DCAF17: variants seen among roughly 807,000 people sequenced by gnomAD.
DCAF17 encodes DDB1- and CUL4-associated factor 17.
In DCAF17, 48 loss-of-function variants were observed where a neutral mutation model predicts 66.0. That is an observed-to-expected ratio of 0.73 (90% confidence interval 0.58 to 0.92). The LOEUF is 0.92. Among genes scored for constraint, DCAF17 ranks in the 40% least tolerant of loss-of-function variants. DCAF17 has a pLI of 0.00. For missense variants in DCAF17, 562 were observed against 622.8 expected (o/e 0.90, Z 1.04); for synonymous variants, 206 against 214.6 (o/e 0.96, Z 0.35).
intron 2 of DCAF17, among the ~76,000 whole-genome samples, chr2:171,440,941 T>G (rs1694273504): frequency 6.6e-6 from 1 of 152,242 alleles, no homozygotes; most frequent in South Asian, 2.1e-4. Flanking sequence ...ACTTCCAGGC[T>G]GTTTTCGTCT....
chr2:171,448,562 T>A, intron 3 of DCAF17, 119 bp from the exon 4 acceptor site: 1 of 898,136 alleles, frequency 1.1e-6, no homozygotes, highest in Admixed American at 3.3e-5. Context: ...CATTTAATCT[T>A]TCTTTTGTGG....
Position 171,481,474 on chromosome 2 carries a change from A to T in DCAF17, c.*360A>T, listed in dbSNP as rs754977913. On this transcript the variant is annotated 3_prime_UTR_variant, in exon 14 of 14. Transcript: ENST00000375255. ...GATGAGTTCTTAAAGGATGGTATGG[A>T]ATTTTGTTTGTTAAGGCTAGGAAAG... is the stretch of plus-strand genomic sequence containing the variant. The T allele has an allele frequency of 2.2e-6, 1 of 458,924 alleles. No individual in the cohort carries two copies. The highest frequency in any genetic ancestry group is 1.5e-5 in the South Asian group (1 of 64,528). The allele number at this position is 458,924 out of a possible 1,614,324, so 28.4% of individuals were successfully genotyped here. A position where few individuals can be genotyped will look rare whatever the true frequency, so the allele number is the denominator to read the frequency against.
intron 2 of DCAF17, among the ~76,000 whole-genome samples, chr2:171,437,335 TAGAA>T (rs1248300996): frequency 6.6e-6 from 1 of 152,242 alleles, no homozygotes; most frequent in African/African-American, 2.4e-5. Flanking sequence ...CACCATTTAT[TAGAA>T]AGACTTTTCT....
At chr2:171,451,551 A>C (rs962208079) in intron 5 of DCAF17, among the ~76,000 whole-genome samples, 2 of 152,170 alleles carry the variant, frequency 1.3e-5, no homozygotes, top group Non-Finnish European at 2.9e-5. Context: ...TAATAATTTA[A>C]ATTGCTAAAG....
intron 8 of DCAF17, among the ~76,000 whole-genome samples, chr2:171,458,901 A>G (rs1414002833): frequency 6.6e-6 from 1 of 152,126 alleles, no homozygotes; most frequent in African/African-American, 2.4e-5. Context: ...TTAGACACAG[A>G]CAGAACTTCC....
intron 10 of DCAF17, among the ~76,000 whole-genome samples, chr2:171,475,736 C>T (rs1404143157): frequency 6.6e-6 from 1 of 152,094 alleles, no homozygotes; most frequent in African/African-American, 2.4e-5. Context: ...GTACTCCAGC[C>T]TGGGTAATGG....
At chr2:171,455,160 C>T (rs899480298) in intron 6 of DCAF17, among the ~76,000 whole-genome samples, 4 of 151,570 alleles carry the variant, frequency 2.6e-5, no homozygotes, top group Non-Finnish European at 5.9e-5. Flanking sequence ...CTCCGATAGG[C>T]CCGAGTGTGT....
intron 3 of DCAF17, among the ~76,000 whole-genome samples, chr2:171,444,838 T>C (rs1694524000): frequency 6.6e-6 from 1 of 152,200 alleles, no homozygotes; most frequent in East Asian, 1.9e-4. Context: ...CAGGCTATCA[T>C]TTTTACATAA....
In DCAF17 at chr2:171,458,356, T is replaced by C. The variant is rs1695380994; in HGVS notation, c.733-16T>C. ...TAGGTGCTAAAGCCACCATTTTTGT[T>C]TTGTTTTGTTTTTAGTTCATGCAAC... On this transcript the variant is annotated splice_polypyrimidine_tract_variant and intron_variant, in intron 7 of 13. Transcript: ENST00000375255. The C allele has an allele frequency of 2.5e-6, 4 of 1,610,206 alleles. No individual in the cohort carries two copies. The South Asian group carries it at 3.3e-5, about 13-fold the overall frequency.
chr2:171,470,430 T>C (rs911921213), intron 9 of DCAF17, among the ~76,000 whole-genome samples: 6 of 152,194 alleles, frequency 3.9e-5, no homozygotes, highest in Admixed American at 3.9e-4. Flanking sequence ...CAGGTCAGCA[T>C]AGCGTTGGGT....
At chr2:171,434,996 A>G in intron 1 of DCAF17, 87 bp from the exon 2 acceptor site, 1 of 1,185,066 alleles carries the variant, frequency 8.4e-7, no homozygotes. Context: ...AAAATAATAT[A>G]GGTGACATTA....
At chr2:171,479,888 T>TA in intron 12 of DCAF17, 150 bp from the exon 13 acceptor site, 1 of 836,838 alleles carries the variant, frequency 1.2e-6, no homozygotes, top group Admixed American at 2.6e-5. Context: ...TATAAACAGA[T>TA]ACATTTCTAC....
chr2:171,439,462 C>T (rs1430157481), intron 2 of DCAF17, among the ~76,000 whole-genome samples: 1 of 130,930 alleles, frequency 7.6e-6, no homozygotes, highest in Non-Finnish European at 1.6e-5. Flanking sequence ...TAAAGGCGTT[C>T]TTCATTTCTC....
chr2:171,466,799 T>A (rs1334186194), intron 8 of DCAF17, among the ~76,000 whole-genome samples: 1 of 151,516 alleles, frequency 6.6e-6, no homozygotes, highest in East Asian at 1.9e-4. Flanking sequence ...TATATTAAAT[T>A]TCACATTCTC....
intron 2 of DCAF17, among the ~76,000 whole-genome samples, chr2:171,439,911 C>G (rs1694207820): frequency 6.6e-6 from 1 of 152,104 alleles, no homozygotes; most frequent in Non-Finnish European, 1.5e-5. Flanking sequence ...GCCTGGGTAA[C>G]AGAGCGAGAC....
rs774389075 is a variant in DCAF17 at position 171,435,179 on chromosome 2, G to C, written c.223G>C (p.Val75Leu). 170 of 1,611,692 alleles carry C rather than the reference G, an allele frequency of 1.1e-4. No individual in the cohort carries two copies. Among genetic ancestry groups the C allele is most frequent in the Non-Finnish European group, 1.4e-4 (162 of 1,178,006 alleles). The change falls in exon 2 of 14, where the codon GTC (valine) becomes CTC (leucine). Residue 75 changes from valine to leucine, a missense_variant. Transcript: ENST00000375255. ...RIYFDNYRRCVSSVASEPRKL... is the reference protein window; with the variant it reads ...RIYFDNYRRCLSSVASEPRKL... ...ATATTTTGACAATTATCGGCGCTGT[G>C]TCAGCAGGTAACTTTTTATTGATAA...
chr2:171,452,715 T>C (rs776253926), intron 5 of DCAF17, among the ~76,000 whole-genome samples: 5 of 152,334 alleles, frequency 3.3e-5, no homozygotes, highest in Non-Finnish European at 7.4e-5. Flanking sequence ...CCTCCTGCCT[T>C]AGCCTCCCAA....
Position 171,482,731 on chromosome 2 carries a change from G to T in DCAF17, c.*1617G>T. On this transcript the variant is annotated 3_prime_UTR_variant, in exon 14 of 14. Transcript: ENST00000375255. ...CTTTAAGTCATCACCTTCCTTTTAT[G>T]AAATGATAGTAAGGAACTCGTCTAT... 1 of 452,190 alleles carries T rather than the reference G, an allele frequency of 2.2e-6. No homozygotes were observed. Among genetic ancestry groups the T allele is most frequent in the Non-Finnish European group, 4.4e-6 (1 of 226,246 alleles). 28.0% of individuals were successfully genotyped at this position (452,190 alleles called of 1,614,324 possible).
rs969443583 is a variant in DCAF17, at chr2:171,481,461, A to G, written c.*347A>G. On this transcript the variant is annotated 3_prime_UTR_variant, in exon 14 of 14. Transcript: ENST00000375255. ...GGGGTGGGTCATTGATGAGTTCTTA[A>G]AGGATGGTATGGAATTTTGTTTGTT... 1 of 461,782 alleles carries G rather than the reference A, an allele frequency of 2.2e-6. No homozygotes were observed. Among genetic ancestry groups the G allele is most frequent in the African/African-American group, 2.0e-5 (1 of 50,514 alleles). The allele number at this position is 461,782 out of a possible 1,614,324, so 28.6% of individuals were successfully genotyped here.
Sources: allele counts gnomAD v4.1 joint callset (sites outside exome capture counted in the v4.1 genomes callset), GRCh38; gene constraint gnomAD v4.1.1; transcripts MANE v1.5; gene names NCBI Gene and HGNC (gene_info 2026-07-23, HGNC 2026-07-21).